MTARC2: variants seen among roughly 807,000 people sequenced by gnomAD.
MTARC2 encodes mitochondrial amidoxime reducing component 2.
In MTARC2, 27 loss-of-function variants were observed where a neutral mutation model predicts 35.6. The observed-to-expected ratio is 0.76, with a 90% CI of 0.56 to 1.04. The LOEUF is 1.04. Ranked by LOEUF, MTARC2 falls within the 50% of genes least tolerant of loss-of-function variation. MTARC2 has a pLI of 0.00. For missense variants in MTARC2, 412 were observed against 432.5 expected (o/e 0.95, Z 0.42); for synonymous variants, 158 against 167.1 (o/e 0.95, Z 0.42).
intron 4 of MTARC2, among the ~76,000 whole-genome samples, chr1:220,776,073 T>C (rs1671903407): frequency 1.3e-5 from 2 of 152,234 alleles, no homozygotes; most frequent in Admixed American, 1.3e-4. Flanking sequence ...GAATGATGGT[T>C]CTATTTTAAG....
chr1:220,768,821 A>G (rs1473751764), intron 4 of MTARC2, among the ~76,000 whole-genome samples: 3 of 152,208 alleles, frequency 2.0e-5, no homozygotes, highest in Non-Finnish European at 4.4e-5. Flanking sequence ...CGTAATGAAA[A>G]GAACCAAGCA....
Position 220,781,944 on chromosome 1 carries a change from G to T in MTARC2, c.*31+12G>T, listed in dbSNP as rs751267057. 2.5e-6 allele frequency: 4 copies of T among 1,594,340 alleles called. No homozygotes were observed. In the East Asian group the frequency reaches 6.7e-5, roughly 27 times the overall value. ...ACTAGGGTGATATGGTAAAGGGTCA[G>T]CTTTGCTTCTGAATACGCTGTCTTG... On this transcript the variant is annotated intron_variant, in intron 7 of 7. Transcript: ENST00000366913.
At chr1:220,751,858 C>G (rs1232662111) in intron 1 of MTARC2, among the ~76,000 whole-genome samples, 1 of 152,228 alleles carries the variant, frequency 6.6e-6, no homozygotes. Context: ...CCAGACTTAT[C>G]TCTTCTTTCA....
chr1:220,762,826 G>T (rs148886880), intron 3 of MTARC2, 84 bp from the exon 4 acceptor site: 3 of 1,468,742 alleles, frequency 2.0e-6, no homozygotes, highest in Middle Eastern at 1.9e-4. Context: ...AAGAGGTTTT[G>T]CTTCTGGACA....
At chr1:220,770,373 C>A (rs945166439) in intron 4 of MTARC2, 1 of 985,166 alleles carries the variant, frequency 1.0e-6, no homozygotes, top group African/African-American at 1.7e-5. Context: ...AAATATGTTA[C>A]ATTTCAGACC....
chr1:220,755,985 T>A (rs191719965), intron 2 of MTARC2, among the ~76,000 whole-genome samples: 2 of 152,070 alleles, frequency 1.3e-5, no homozygotes, highest in African/African-American at 4.8e-5. Context: ...CAGGGCTGGG[T>A]GAGAAGGATG....
intron 1 of MTARC2, among the ~76,000 whole-genome samples, chr1:220,753,639 G>A (rs1671194666): frequency 6.6e-6 from 1 of 152,150 alleles, no homozygotes; most frequent in Admixed American, 6.5e-5. Flanking sequence ...CTTCTGGAAG[G>A]GGCTGTGCTT....
chr1:220,784,405 T>G lies in MTARC2; in HGVS notation c.*518T>G, dbSNP rs1450549507. The stretch of plus-strand genomic sequence containing the variant: ...TGGTCTTTATGTGGCCATTGAGTCC[T>G]GTTGACTTTCCACTCATGTGCTTTT... On this transcript the variant is annotated 3_prime_UTR_variant, in exon 8 of 8. Coordinates refer to ENST00000366913, the MANE Select transcript of MTARC2 (RefSeq NM_017898.5). 1 of 162,570 alleles carries G rather than the reference T, an allele frequency of 6.2e-6. No individual in the cohort carries two copies. The highest frequency in any genetic ancestry group is 2.4e-5 in the African/African-American group (1 of 41,554). 10.1% of individuals were successfully genotyped at this position (162,570 alleles called of 1,614,324 possible). A position where few individuals can be genotyped will look rare whatever the true frequency, so the allele number is the denominator to read the frequency against.
At chr1:220,776,558 T>C (rs1671919901) in intron 4 of MTARC2, among the ~76,000 whole-genome samples, 1 of 152,174 alleles carries the variant, frequency 6.6e-6, no homozygotes, top group South Asian at 2.1e-4. Context: ...AGGTTGAGAA[T>C]ATATATGATT....
chr1:220,773,822 G>T (rs1482177582), intron 4 of MTARC2, among the ~76,000 whole-genome samples: 5 of 151,710 alleles, frequency 3.3e-5, no homozygotes, highest in African/African-American at 7.3e-5. Flanking sequence ...AAAGGCAAAA[G>T]AAAAAAATTA....
Position 220,780,068 on chromosome 1 carries a change from G to T in MTARC2, c.801G>T (p.Met267Ile). 1 of 1,553,880 alleles carries T rather than the reference G, an allele frequency of 6.4e-7. No individual in the cohort carries two copies. The highest frequency in any genetic ancestry group is 8.6e-7 in the Non-Finnish European group (1 of 1,159,284). Residue 267 changes from methionine (M) to isoleucine (I), a missense_variant, in exon 5 of 8, where the codon ATG (methionine) becomes ATT (isoleucine). Met to Ile is a conservative substitution (Grantham distance 10). Transcript: ENST00000366913. ...LIGSVEVKKVMACPRCILTTV... is the reference protein window; with the variant it reads ...LIGSVEVKKVIACPRCILTTV... Reference sequence around the variant, plus strand: ...GTAGTGTAGAAGTGAAAAAGGTAATGGCATGCCCCAGGTAAGGAGCCTAGC... The same window carrying T: ...GTAGTGTAGAAGTGAAAAAGGTAATTGCATGCCCCAGGTAAGGAGCCTAGC...
At chr1:220,774,441 A>G (rs17008643) in intron 4 of MTARC2, among the ~76,000 whole-genome samples, 7,186 of 152,250 alleles carry the variant, frequency 0.047, 266 homozygotes, top group East Asian at 0.19. Context: ...GAATAGTCTT[A>G]TTTACATATT....
rs1038032059 is a variant in MTARC2, at chr1:220,754,400, A to G, written c.273-547A>G. ...GCATGAAGAGGAAAGGCTGTTTGGG[A>G]GGTTTCCTGATGTAGGACCCCCGCA... On this transcript the variant is annotated intron_variant, in intron 1 of 7. Transcript: ENST00000366913. 2.0e-5 allele frequency: 9 copies of G among 456,278 alleles called. No homozygotes were observed. In the Middle Eastern group the frequency reaches 9.8e-4, roughly 49 times the overall value. The allele number at this position is 456,278 out of a possible 1,614,324, so 28.3% of individuals were successfully genotyped here.
At chr1:220,757,813 C>T (rs1355511515) in intron 2 of MTARC2, among the ~76,000 whole-genome samples, 2 of 152,118 alleles carry the variant, frequency 1.3e-5, no homozygotes, top group Non-Finnish European at 2.9e-5. Context: ...AACATTTAGC[C>T]CCTAACAGAT....
At chr1:220,767,925 T>C (rs1260450139) in intron 4 of MTARC2, among the ~76,000 whole-genome samples, 4 of 152,210 alleles carry the variant, frequency 2.6e-5, no homozygotes, top group African/African-American at 9.7e-5. Flanking sequence ...CACTAGACTT[T>C]TCAGTCCCCA....
At position 220,784,070 on chromosome 1, in the gene MTARC2, C is replaced by A; in HGVS notation, c.*183C>A. The A allele has an allele frequency of 1.5e-6, 1 of 674,798 alleles. No homozygotes were observed. Among genetic ancestry groups the A allele is most frequent in the Non-Finnish European group, 2.7e-6 (1 of 363,768 alleles). 41.8% of individuals were successfully genotyped at this position (674,798 alleles called of 1,614,324 possible). A position where few individuals can be genotyped will look rare whatever the true frequency, so the allele number is the denominator to read the frequency against. On this transcript the variant is annotated 3_prime_UTR_variant, in exon 8 of 8. Transcript: ENST00000366913. ...AAGTTGTGTATGCTCCAGGTTAATG[C>A]AAGGAAAGTATTAGAGGGGGGAATA...
chr1:220,753,276 T>A (rs3015252), intron 1 of MTARC2, among the ~76,000 whole-genome samples: 52,217 of 151,246 alleles, frequency 0.35, 11,300 homozygotes, highest in East Asian at 0.7. Flanking sequence ...GTCTCCTCAG[T>A]GGGGTGGGGA....
intron 2 of MTARC2, among the ~76,000 whole-genome samples, chr1:220,758,392 A>G (rs957079228): frequency 6.7e-6 from 1 of 149,470 alleles, no homozygotes; most frequent in Admixed American, 6.7e-5. Flanking sequence ...TGGCTTCTTG[A>G]TTATCACAAG....
chr1:220,771,909 TTAAAG>T (rs1164665488), intron 4 of MTARC2, among the ~76,000 whole-genome samples: 16 of 152,162 alleles, frequency 1.1e-4, no homozygotes, highest in Non-Finnish European at 8.8e-5. Context: ...ATCCCAGAAC[TTAAAG>T]TAAAATTAAA....
Sources: gnomAD v4.1 joint callset for allele counts (sites outside exome capture counted in the v4.1 genomes callset) on GRCh38, gnomAD v4.1.1 for gene constraint, MANE v1.5 for transcripts, NCBI Gene and HGNC (gene_info 2026-07-23, HGNC 2026-07-21) for gene names.